Variants in SERPINB12 observed in about 807,000 individuals in gnomAD.
SERPINB12 encodes the protein serpin B12.
A neutral mutation model predicts 41.1 loss-of-function variants in SERPINB12; 57 were observed. The ratio of observed to expected loss-of-function variants is 1.39; its 90% CI spans 1.12 to 1.73. The LOEUF (loss-of-function observed/expected upper bound fraction) is 1.73, where lower values mean the gene tolerates loss of function less well. SERPINB12 is among the 40% of genes most tolerant of loss of function. SERPINB12 has a pLI of 0.00. For synonymous variants in SERPINB12, 180 were observed against 181.3 expected, an observed-to-expected ratio of 0.99 and a Z score of 0.06; for missense variants, 536 against 501.9, an observed-to-expected ratio of 1.07 and a Z score of -0.65.
At position 63,566,607 on chromosome 18, in the gene SERPINB12, C is replaced by A; in HGVS notation, c.874C>A (p.Leu292Ile). Residue 292 changes from leucine (L) to isoleucine (I), a missense_variant and splice_region_variant, in exon 8 of 8, where the codon CTT becomes ATT. By Grantham distance (5) the Leu-to-Ile change is conservative. Transcript: ENST00000382768. ...AAATATTATTTCCTTCCTCTTGTAG[C>A]TTGAAAGGAAAATCACCTATGAAAA... ...SKDNLKGLEE[L>I]ERKITYEKMV... is the part of the protein sequence containing the mutation. 1 of 1,601,278 alleles carries A rather than the reference C, an allele frequency of 6.2e-7. No homozygotes were observed.
chr18:63,530,054 G>A, the SERPINB12 span, among the ~76,000 whole-genome samples: 1 of 152,130 alleles, frequency 6.6e-6, no homozygotes, highest in African/African-American at 2.4e-5. Flanking sequence ...TTCTATTGCT[G>A]TGGTCACTGT....
At chr18:63,559,864 T>G in intron 4 of SERPINB12, 146 bp downstream of exon 4, 1 of 739,164 alleles carries the variant, frequency 1.4e-6, no homozygotes, top group Non-Finnish European at 2.2e-6. Flanking sequence ...GTCCAGGACC[T>G]CCCTCTTTCA....
chr18:63,558,827 T>A (rs967561710), intron 3 of SERPINB12, among the ~76,000 whole-genome samples: 1 of 152,182 alleles, frequency 6.6e-6, no homozygotes, highest in African/African-American at 2.4e-5. Context: ...GAATTCTTAC[T>A]GTCTCCCTCT....
At chr18:63,560,850 T>C (rs1910880173) in intron 4 of SERPINB12, among the ~76,000 whole-genome samples, 1 of 152,232 alleles carries the variant, frequency 6.6e-6, no homozygotes, top group South Asian at 2.1e-4. Flanking sequence ...TGTCCCGTTG[T>C]AACTATAGAC....
At chr18:63,530,717 C>T in the SERPINB12 span, among the ~76,000 whole-genome samples, 2 of 152,132 alleles carry the variant, frequency 1.3e-5, no homozygotes, top group Non-Finnish European at 2.9e-5. Flanking sequence ...GGTGCTCACA[C>T]ACTCAGGCCC....
At position 63,550,177 on chromosome 18, in the gene SERPINB12, T is replaced by C. The variant is rs547453989; in HGVS notation, c.-18-5965T>C. Among the ~76,000 whole-genome samples, 16 of 152,312 alleles carry C rather than the reference T, an allele frequency of 1.1e-4. No individual in the cohort carries two copies. The South Asian group carries it at 2.9e-3, about 28-fold the overall frequency. On this transcript the variant is annotated intron_variant, in intron 1 of 7. Coordinates refer to ENST00000382768, the MANE Select transcript of SERPINB12 (RefSeq NM_001307928.2). ...TTTAAAAGATTATTTCAAGTCTGTTTGAAAATAATGATGACTGAAGTAAAT... is the reference window on the plus strand; with the variant it reads ...TTTAAAAGATTATTTCAAGTCTGTTCGAAAATAATGATGACTGAAGTAAAT...
intron 4 of SERPINB12, 93 bp downstream of exon 4, chr18:63,559,811 A>C: frequency 7.6e-7 from 1 of 1,312,512 alleles, no homozygotes; most frequent in South Asian, 1.3e-5. Flanking sequence ...CATCTAGAAC[A>C]CAAACCTCTT....
intron 1 of SERPINB12, among the ~76,000 whole-genome samples, chr18:63,550,429 G>T (rs1366174002): frequency 1.3e-5 from 2 of 152,108 alleles, no homozygotes; most frequent in African/African-American, 4.8e-5. Context: ...CTTAGCTATT[G>T]TGTTAGGCAC....
chr18:63,528,613 T>C, the SERPINB12 span, among the ~76,000 whole-genome samples: 2 of 152,046 alleles, frequency 1.3e-5, no homozygotes, highest in Admixed American at 1.3e-4. Flanking sequence ...TTTACAGACA[T>C]GTGTGGCCAA....
the SERPINB12 span, among the ~76,000 whole-genome samples, chr18:63,532,352 C>T: frequency 2.0e-5 from 3 of 152,148 alleles, no homozygotes; most frequent in Non-Finnish European, 2.9e-5. Context: ...GAGAAGGCCA[C>T]GTAGGTTATA....
chr18:63,534,607 T>G, the SERPINB12 span, among the ~76,000 whole-genome samples: 1 of 151,764 alleles, frequency 6.6e-6, no homozygotes, highest in African/African-American at 2.4e-5. Context: ...ATTCACAAAC[T>G]TTTTTTTCTT....
Position 63,565,602 on chromosome 18 carries a change from G to T in SERPINB12, c.863G>T (p.Gly288Val). 1 of 1,607,864 alleles carries T rather than the reference G, an allele frequency of 6.2e-7. No homozygotes were observed. The highest frequency in any genetic ancestry group is 8.5e-7 in the Non-Finnish European group (1 of 1,178,226). The change falls in exon 7 of 8, where the codon GGT becomes GTT. Residue 288 changes from glycine (G) to valine (V), a missense_variant. Transcript: ENST00000382768. ...TCTCACTCTAAAGATAACCTGAAGG[G>T]TCTGGAAGAGGTAAATCTTCATTTC... ...LPSHSKDNLK[G>V]LEELERKITY...
chr18:63,538,265 A>G (rs1274874954), upstream of SERPINB12, among the ~76,000 whole-genome samples: 1 of 152,190 alleles, frequency 6.6e-6, no homozygotes, highest in Non-Finnish European at 1.5e-5. Flanking sequence ...ATAAATTTAC[A>G]GAGTTGTACA....
the SERPINB12 span, among the ~76,000 whole-genome samples, chr18:63,528,966 G>A: frequency 4.6e-5 from 7 of 152,272 alleles, no homozygotes; most frequent in Admixed American, 4.6e-4. Flanking sequence ...CATCAGGGTA[G>A]AAAAGGCAAC....
chr18:63,548,673 T>C (rs1241573466), intron 1 of SERPINB12, among the ~76,000 whole-genome samples: 1 of 151,996 alleles, frequency 6.6e-6, no homozygotes, highest in Non-Finnish European at 1.5e-5. Context: ...AAGAGACAGT[T>C]AATATGTGAG....
At position 63,559,666 on chromosome 18, in the gene SERPINB12, C is replaced by T; in HGVS notation, c.392C>T (p.Thr131Ile). The T allele has an allele frequency of 6.2e-7, 1 of 1,614,134 alleles. No individual in the cohort carries two copies. Among genetic ancestry groups the T allele is most frequent in the Non-Finnish European group, 8.5e-7 (1 of 1,179,972 alleles). The change falls in exon 4 of 8, where the codon ACA (threonine) becomes ATA (isoleucine). Residue 131 changes from threonine to isoleucine, a missense_variant. By Grantham distance (89) the Thr-to-Ile change is moderately conservative. Coordinates refer to ENST00000382768, the MANE Select transcript of SERPINB12 (RefSeq NM_001307928.2). ...TTAGACAGGATCAAGACTGATTACA[C>T]ACTGAGTATTGCCAACAGGCTTTAT... ...SKLDRIKTDYTLSIANRLYGE... is the reference protein window; with the variant it reads ...SKLDRIKTDYILSIANRLYGE...
chr18:63,533,131 C>T, the SERPINB12 span, among the ~76,000 whole-genome samples: 1 of 152,124 alleles, frequency 6.6e-6, no homozygotes, highest in African/African-American at 2.4e-5. Context: ...GCGCCCACCA[C>T]CATGCCTGGC....
chr18:63,565,260 G>T (rs540802586), intron 6 of SERPINB12, among the ~76,000 whole-genome samples, 185 bp from the exon 7 acceptor site: 2 of 152,164 alleles, frequency 1.3e-5, no homozygotes, highest in Non-Finnish European at 2.9e-5. Context: ...AAGATAAAGT[G>T]TTGGCAAAGT....
At chr18:63,524,034 G>A in the SERPINB12 span, among the ~76,000 whole-genome samples, 2 of 151,972 alleles carry the variant, frequency 1.3e-5, no homozygotes, top group African/African-American at 4.8e-5. Context: ...TGGATCTCAG[G>A]AAGAAATACG....
Sources: gnomAD v4.1 joint callset for allele counts (sites outside exome capture counted in the v4.1 genomes callset) on GRCh38, gnomAD v4.1.1 for gene constraint, MANE v1.5 for transcripts, NCBI Gene and HGNC (gene_info 2026-07-23, HGNC 2026-07-21) for gene names.